The following CACNA1E variants were observed in gnomAD, a reference collection of about 807,000 sequenced individuals.
The protein encoded by CACNA1E is voltage-dependent R-type calcium channel subunit alpha-1E.
Under a neutral mutation model 259.2 loss-of-function variants are expected in CACNA1E, and 40 were observed. The observed-to-expected ratio is 0.15, with a 90% confidence interval of 0.12 to 0.20. CACNA1E has a LOEUF of 0.20. CACNA1E is among the 10% of genes least tolerant of loss of function. The pLI is 1.00. For missense variants in CACNA1E, 1,874 were observed against 3,040.1 expected, an observed-to-expected ratio of 0.62 and a Z score of 9.02; for synonymous variants, 1,104 against 1,138.5, an observed-to-expected ratio of 0.97 and a Z score of 0.61.
intron 2 of CACNA1E, among the ~76,000 whole-genome samples, chr1:181,470,486 T>G (rs1662436641): frequency 6.6e-6 from 1 of 152,194 alleles, no homozygotes; most frequent in African/African-American, 2.4e-5. Context: ...CTTCCCAAAG[T>G]GCTGGGATTA....
At chr1:181,498,319 A>G (rs1020219014) in intron 1 of CACNA1E, among the ~76,000 whole-genome samples, 33 of 152,328 alleles carry the variant, frequency 2.2e-4, no homozygotes, top group Middle Eastern at 3.4e-3. Flanking sequence ...CTTTTCCACA[A>G]TGGTTCACTT....
chr1:181,494,370 C>T (rs1664569781), intron 1 of CACNA1E, among the ~76,000 whole-genome samples: 1 of 150,258 alleles, frequency 6.7e-6, no homozygotes, highest in Non-Finnish European at 1.5e-5. Context: ...AGATAGTCAG[C>T]TAAAATCTCT....
Position 181,710,904 on chromosome 1 carries a change from T to G in CACNA1E, c.1056-50T>G, listed in dbSNP as rs1415440351. 4 of 1,277,834 alleles carry G rather than the reference T, an allele frequency of 3.1e-6. No individual in the cohort carries two copies. In the Admixed American group the frequency reaches 6.7e-5, roughly 21 times the overall value. The allele number at this position is 1,277,834 out of a possible 1,614,324, so 79.2% of individuals were successfully genotyped here. A position where few individuals can be genotyped will look rare whatever the true frequency, so the allele number is the denominator to read the frequency against. ...CTGTTGCTTGATTCACTCTTTCCCT[T>G]AGTCATGGCCCTGTCCAAACCCAGT... On this transcript the variant is annotated intron_variant, in intron 7 of 47. Coordinates refer to ENST00000367573, the MANE Select transcript of CACNA1E (RefSeq NM_001205293.3).
At chr1:181,639,843 A>G (rs1201806352) in intron 6 of CACNA1E, among the ~76,000 whole-genome samples, 2 of 152,190 alleles carry the variant, frequency 1.3e-5, no homozygotes, top group Non-Finnish European at 2.9e-5. Flanking sequence ...AGGAGAGTGA[A>G]TAAGAGAGTA....
intron 6 of CACNA1E, among the ~76,000 whole-genome samples, chr1:181,599,944 C>T (rs542057247): frequency 3.9e-5 from 6 of 152,168 alleles, no homozygotes; most frequent in South Asian, 2.1e-4. Flanking sequence ...ACCTGGAATT[C>T]GTATTATAGT....
intron 3 of CACNA1E, among the ~76,000 whole-genome samples, chr1:181,516,343 C>CCACACACACACA (rs3080529): frequency 3.9e-4 from 56 of 143,434 alleles, no homozygotes; most frequent in African/African-American, 1.3e-3. Flanking sequence ...GTGCCAAAGA[C>CCACACACACACA]CACACACACA....
At chr1:181,739,609 C>T (rs1656375649) in intron 25 of CACNA1E, among the ~76,000 whole-genome samples, 1 of 152,160 alleles carries the variant, frequency 6.6e-6, no homozygotes, top group Non-Finnish European at 1.5e-5. Context: ...CCCTTTCTTT[C>T]TTGAGTGTGT....
In CACNA1E at chr1:181,592,253, G is replaced by T. The variant is rs922780641; in HGVS notation, c.951+11477G>T. Among the ~76,000 whole-genome samples the T allele has an allele frequency of 3.9e-5, 6 of 152,026 alleles. No individual in the cohort carries two copies. In the South Asian group the frequency reaches 1.2e-3, roughly 32 times the overall value. ...TCCTTATTAAATGTTCTGTCTCCTG[G>T]CATCAACCCCAGTCCCCTAGACATG... On this transcript the variant is annotated intron_variant, in intron 6 of 47. Coordinates refer to ENST00000367573, the MANE Select transcript of CACNA1E (RefSeq NM_001205293.3).
chr1:181,678,855 G>C (rs1649638701), intron 7 of CACNA1E, among the ~76,000 whole-genome samples: 1 of 152,194 alleles, frequency 6.6e-6, no homozygotes, highest in Non-Finnish European at 1.5e-5. Flanking sequence ...ACTTAGCACA[G>C]TGCCTGGCAC....
intron 3 of CACNA1E, among the ~76,000 whole-genome samples, chr1:181,560,996 A>G (rs1007230707): frequency 4.6e-5 from 7 of 152,208 alleles, no homozygotes; most frequent in Non-Finnish European, 8.8e-5. Flanking sequence ...ACAAAAGGAC[A>G]AATACTATGT....
chr1:181,447,841 G>A lies in CACNA1E; in HGVS notation c.434+34261G>A, dbSNP rs190898444. On this transcript the variant is annotated intron_variant, in intron 2 of 11. Coordinates refer to the CACNA1E transcript ENST00000524607. ...CCTTCCCTTGCTGGCTGTAACCTAA[G>A]GGCTCTTTCATGCTTCTGGAAGCTG... 4.8e-3 allele frequency among the ~76,000 whole-genome samples: 736 copies of A among 152,266 alleles called. 2 individuals carry two copies. Among genetic ancestry groups the A allele is most frequent in the African/African-American group, 0.015 (615 of 41,552 alleles).
chr1:181,798,801 G>T lies in CACNA1E; in HGVS notation c.6909G>T (p.Leu2303=). The T allele has an allele frequency of 6.5e-7, 1 of 1,540,460 alleles. No individual in the cohort carries two copies. ...TGATGTGTGGGGCTGTCAACAACCT[G>T]CTAAGTGACACGGAAGAAGATGACA... ...PGMMCGAVNN[L]LSDTEEDDKC Residue 2303 remains leucine, a synonymous_variant, in exon 48 of 48, where the codon CTG becomes CTT. Coordinates refer to ENST00000367573, the MANE Select transcript of CACNA1E (RefSeq NM_001205293.3). This position sits in a 1 kb window ranked among gnomAD's most constrained non-coding sequence, Gnocchi z 4.2.
intron 7 of CACNA1E, among the ~76,000 whole-genome samples, chr1:181,676,373 A>T (rs375730764): frequency 6.6e-6 from 1 of 152,164 alleles, no homozygotes; most frequent in African/African-American, 2.4e-5. Context: ...GTTGCACTAC[A>T]TATGTTTCCA....
intron 3 of CACNA1E, among the ~76,000 whole-genome samples, chr1:181,514,739 A>G (rs1666433708): frequency 6.6e-6 from 1 of 152,156 alleles, no homozygotes; most frequent in African/African-American, 2.4e-5. Context: ...CTGAGGTGTC[A>G]GTCAGCTGGC....
intron 27 of CACNA1E, among the ~76,000 whole-genome samples, chr1:181,754,193 G>C (rs983580077): frequency 1.3e-5 from 2 of 152,152 alleles, no homozygotes; most frequent in African/African-American, 4.8e-5. Context: ...TTCGTTAATA[G>C]GCCAGAGAAA....
At chr1:181,651,500 GC>G in intron 7 of CACNA1E, 59 bp downstream of exon 7, 1 of 1,173,568 alleles carries the variant, frequency 8.5e-7, no homozygotes, top group Non-Finnish European at 1.3e-6. Context: ...GTAAACTAAT[GC>G]CTCCTGACTC....
At chr1:181,351,292 G>A (rs768583346) in intron 1 of CACNA1E, among the ~76,000 whole-genome samples, 9 of 152,144 alleles carry the variant, frequency 5.9e-5, no homozygotes, top group Non-Finnish European at 1.2e-4. Flanking sequence ...CAGCATCTAG[G>A]GCTGTAGCCC....
At chr1:181,741,673 A>C (rs968976214) in intron 25 of CACNA1E, among the ~76,000 whole-genome samples, 2 of 152,184 alleles carry the variant, frequency 1.3e-5, no homozygotes, top group South Asian at 2.1e-4. Context: ...TCCACAGTCC[A>C]GACATCTCTC....
At chr1:181,783,478 T>A (rs988424697) in intron 39 of CACNA1E, among the ~76,000 whole-genome samples, 4 of 151,610 alleles carry the variant, frequency 2.6e-5, no homozygotes, top group African/African-American at 4.8e-5. Flanking sequence ...ACAAACAAAC[T>A]ACAACAACAA....
Sources: gnomAD v4.1 joint callset for allele counts (sites outside exome capture counted in the v4.1 genomes callset) on GRCh38, gnomAD v4.1.1 for gene constraint, Gnocchi (gnomAD v3.1) non-coding constraint, MANE v1.5 for transcripts, NCBI Gene and HGNC (gene_info 2026-07-23, HGNC 2026-07-21) for gene names.